The following AXL variants were observed in gnomAD, a reference collection of about 807,000 sequenced individuals.
AXL encodes AXL receptor tyrosine kinase.
Under a neutral mutation model 104.5 loss-of-function variants are expected in AXL, and 52 were observed. That is an observed-to-expected ratio of 0.50 (90% confidence interval 0.40 to 0.63). AXL has a LOEUF of 0.63. Among genes scored for constraint, AXL ranks in the 20% least tolerant of loss-of-function variants. The pLI is 0.00. For missense variants in AXL, 1,024 were observed against 1,188.5 expected (o/e 0.86, Z 2.04); for synonymous variants, 455 against 473.7 (o/e 0.96, Z 0.51).
intron 14 of AXL, among the ~76,000 whole-genome samples, chr19:41,251,706 C>T (rs1006813902): frequency 2.0e-5 from 3 of 151,212 alleles, no homozygotes; most frequent in African/African-American, 7.3e-5. Context: ...AGCGCAAGAC[C>T]CTGTCTCAAA....
intron 4 of AXL, among the ~76,000 whole-genome samples, chr19:41,229,599 G>A (rs946559088): frequency 3.9e-5 from 6 of 152,254 alleles, no homozygotes; most frequent in Non-Finnish European, 5.9e-5. Context: ...CAGGCCTAGC[G>A]GACTGAGAGG....
chr19:41,238,126 C>T lies in AXL; in HGVS notation c.966C>T (p.His322=). 6.2e-7 allele frequency: 1 copy of T among 1,614,150 alleles called. No individual in the cohort carries two copies. Among genetic ancestry groups the T allele is most frequent in the Non-Finnish European group, 8.5e-7 (1 of 1,180,022 alleles). The change falls in exon 7 of 20, where the codon CAC becomes CAT. Residue 322 remains histidine (H), a synonymous_variant. Transcript: ENST00000301178. ...GCCAGGGCCCCTCATCCTGGACCCA[C>T]TGGCTTCCTGTGGAGACGCCGGAGG... ...TSSQGPSSWT[H]WLPVETPEGV... is the part of the protein sequence containing the mutation.
intron 1 of AXL, 170 bp from the exon 2 acceptor site, chr19:41,220,466 T>C: frequency 1.6e-6 from 1 of 611,154 alleles, no homozygotes; most frequent in Non-Finnish European, 2.9e-6. Context: ...GCTCCCGTCC[T>C]CCTCTCAGAG....
Position 41,260,024 on chromosome 19 carries a change from A to C in AXL, c.*120A>C. The C allele has an allele frequency of 1.1e-6, 1 of 872,194 alleles. No homozygotes were observed. The highest frequency in any genetic ancestry group is 1.7e-6 in the Non-Finnish European group (1 of 586,024). 54.0% of individuals were successfully genotyped at this position (872,194 alleles called of 1,614,324 possible). On this transcript the variant is annotated 3_prime_UTR_variant, in exon 20 of 20. Transcript: ENST00000301178. ...TCCCCACTTGCAGCCCTGTCTTCCT[A>C]CCTATCCCACCTCCATCCCAGACAG...
chr19:41,221,562 C>T (rs981316072), intron 3 of AXL: 9 of 490,878 alleles, frequency 1.8e-5, no homozygotes, highest in African/African-American at 4.0e-5. Context: ...GTCAGAGGCA[C>T]GCAACGTACC....
intron 11 of AXL, 78 bp downstream of exon 11, chr19:41,243,093 G>T: frequency 6.3e-7 from 1 of 1,593,710 alleles, no homozygotes; most frequent in South Asian, 1.1e-5. Flanking sequence ...GAGGAGGCTG[G>T]TGCAGGAGGA....
At chr19:41,223,319 AAGAC>A (rs1388350099) in intron 4 of AXL, among the ~76,000 whole-genome samples, 6 of 151,998 alleles carry the variant, frequency 3.9e-5, no homozygotes, top group Non-Finnish European at 8.8e-5. Context: ...AACAAAATGA[AAGAC>A]AGGACAGGGA....
At chr19:41,237,884 G>A (rs2034107308) in intron 6 of AXL, 60 bp from the exon 7 acceptor site, 2 of 1,505,152 alleles carry the variant, frequency 1.3e-6, no homozygotes, top group Non-Finnish European at 1.8e-6. Flanking sequence ...ACTGGGAGCT[G>A]TGTGACCATC....
At position 41,238,122 on chromosome 19, in the gene AXL, C is replaced by T. The variant is rs1369540875; in HGVS notation, c.962C>T (p.Thr321Ile). Residue 321 changes from threonine to isoleucine, a missense_variant, in exon 7 of 20, where the codon ACC (threonine) becomes ATC (isoleucine). Thr to Ile is a moderately conservative substitution (Grantham distance 89). Around this residue, in one of 5 missense-constraint regions of AXL, gnomAD observed 332 missense variants for 343.9 expected, o/e 0.97. Transcript: ENST00000301178. ...CTSSQGPSSW[T>I]HWLPVETPEG... Reference sequence around the variant, plus strand: ...AGCAGCCAGGGCCCCTCATCCTGGACCCACTGGCTTCCTGTGGAGACGCCG... The same window carrying T: ...AGCAGCCAGGGCCCCTCATCCTGGATCCACTGGCTTCCTGTGGAGACGCCG... 6.2e-7 allele frequency: 1 copy of T among 1,614,108 alleles called. No homozygotes were observed. The highest frequency in any genetic ancestry group is 1.7e-5 in the Admixed American group (1 of 60,004).
intron 17 of AXL, 30 bp downstream of exon 17, chr19:41,253,738 C>CAA (rs780699988): frequency 7.0e-7 from 1 of 1,430,862 alleles, no homozygotes; most frequent in Non-Finnish European, 9.7e-7. Context: ...CCCCCCCCCC[C>CAA]AACTGCTCCT....
At chr19:41,220,973 T>A in intron 2 of AXL, 115 bp downstream of exon 2, 1 of 1,298,404 alleles carries the variant, frequency 7.7e-7, no homozygotes, top group Non-Finnish European at 1.1e-6. Context: ...TTTGAGCATG[T>A]GATGGAACCT....
intron 6 of AXL, 61 bp downstream of exon 6, chr19:41,231,359 C>G: frequency 1.4e-6 from 2 of 1,439,194 alleles, no homozygotes; most frequent in South Asian, 1.3e-5. Flanking sequence ...CATCCACAAC[C>G]CCCATCCTCT....
At chr19:41,236,682 C>A (rs2034085166) in intron 6 of AXL, among the ~76,000 whole-genome samples, 1 of 150,900 alleles carries the variant, frequency 6.6e-6, no homozygotes, top group South Asian at 2.1e-4. Flanking sequence ...GAGGCTGAGG[C>A]AGAAGAATTG....
chr19:41,249,448 T>C (rs2034325162), intron 14 of AXL, among the ~76,000 whole-genome samples: 1 of 150,978 alleles, frequency 6.6e-6, no homozygotes, highest in Admixed American at 6.6e-5. Context: ...GAGTGAGACT[T>C]TGTCTTAAAA....
At chr19:41,245,791 G>A (rs1786512102) in intron 12 of AXL, among the ~76,000 whole-genome samples, 2 of 151,922 alleles carry the variant, frequency 1.3e-5, no homozygotes, top group Non-Finnish European at 2.9e-5. Flanking sequence ...GGAAGAGCTA[G>A]GTCTCTTCCT....
intron 4 of AXL, among the ~76,000 whole-genome samples, chr19:41,222,582 T>C (rs2033810951): frequency 6.6e-6 from 1 of 152,014 alleles, no homozygotes. Context: ...ACTGGGGAGA[T>C]GGAACCCAAA....
chr19:41,258,996 T>C (rs1412011943), intron 19 of AXL, among the ~76,000 whole-genome samples: 1 of 152,186 alleles, frequency 6.6e-6, no homozygotes, highest in Non-Finnish European at 1.5e-5. Flanking sequence ...CGTTGCCATG[T>C]GGACCCCTTT....
chr19:41,220,594 G>C, intron 1 of AXL, 42 bp from the exon 2 acceptor site: 1 of 1,517,598 alleles, frequency 6.6e-7, no homozygotes, highest in Non-Finnish European at 8.9e-7. Flanking sequence ...GCCGGAAGGA[G>C]CTGGGGGGTT....
intron 4 of AXL, among the ~76,000 whole-genome samples, chr19:41,225,611 G>A: frequency 6.6e-6 from 1 of 152,160 alleles, no homozygotes. Flanking sequence ...GTACATGTGT[G>A]ACTGTGTGTT....
Sources: allele counts gnomAD v4.1 joint callset (sites outside exome capture counted in the v4.1 genomes callset), GRCh38; gene constraint gnomAD v4.1.1; regional missense constraint gnomAD v4.1.1; transcripts MANE v1.5; gene names NCBI Gene and HGNC (gene_info 2026-07-23, HGNC 2026-07-21).